EHD1: variants seen among roughly 807,000 people sequenced by gnomAD.
EHD1 encodes the protein EH domain-containing protein 1.
Under a neutral mutation model 39.0 loss-of-function variants are expected in EHD1, and 19 were observed. The ratio of observed to expected loss-of-function variants is 0.49; its 90% CI spans 0.34 to 0.72. The LOEUF (loss-of-function observed/expected upper bound fraction) is 0.72. Ranked by LOEUF, EHD1 falls within the 30% of genes least tolerant of loss-of-function variation. The probability of loss-of-function intolerance (pLI) is 0.01; values close to 1 mark genes in which losing one functional copy is unlikely to be tolerated. For synonymous variants in EHD1, 323 were observed against 331.2 expected, an observed-to-expected ratio of 0.98 and a Z score of 0.27; for missense variants, 542 against 751.5, an observed-to-expected ratio of 0.72 and a Z score of 3.26.
chr11:64,863,603 C>T lies in EHD1; in HGVS notation c.503-3267G>A, dbSNP rs924317738. Among the ~76,000 whole-genome samples the T allele has an allele frequency of 2.6e-5, 4 of 152,206 alleles. No homozygotes were observed. In the South Asian group the frequency reaches 8.3e-4, roughly 31 times the overall value. ...AATGGCACCACAGGGTGTGCGGAGT[C>T]AAGCTCGCTCATGGGATAAACACTC... On this transcript the variant is annotated intron_variant, in intron 2 of 4. Transcript: ENST00000320631.
intron 3 of EHD1, among the ~76,000 whole-genome samples, chr11:64,857,417 C>G (rs1253658160): frequency 6.6e-6 from 1 of 152,028 alleles, no homozygotes; most frequent in African/African-American, 2.4e-5. Flanking sequence ...GAGTGAAACT[C>G]CATCTCCAAA....
intron 2 of EHD1, among the ~76,000 whole-genome samples, chr11:64,874,121 T>C (rs1410511130): frequency 6.7e-6 from 1 of 150,100 alleles, no homozygotes; most frequent in African/African-American, 2.5e-5. Flanking sequence ...CTGGCCAATA[T>C]AGTGAAACCC....
At chr11:64,874,382 A>G in intron 2 of EHD1, 39 bp downstream of exon 2, 1 of 1,548,546 alleles carries the variant, frequency 6.5e-7, no homozygotes, top group Non-Finnish European at 8.8e-7. Context: ...AGGATGTGTG[A>G]CAACACCAGC....
At chr11:64,872,512 T>C (rs1943840909) in intron 2 of EHD1, among the ~76,000 whole-genome samples, 1 of 152,086 alleles carries the variant, frequency 6.6e-6, no homozygotes, top group Non-Finnish European at 1.5e-5. Context: ...CTTTGGCAAA[T>C]GACAGGGCTT....
chr11:64,873,680 CTT>C (rs758063360), intron 2 of EHD1, among the ~76,000 whole-genome samples: 1 of 144,418 alleles, frequency 6.9e-6, no homozygotes. Flanking sequence ...TACTCGGACA[CTT>C]TTTTTTTTTT....
intron 4 of EHD1, chr11:64,855,061 A>C (rs937747781): frequency 1.3e-5 from 11 of 839,598 alleles, no homozygotes; most frequent in Non-Finnish European, 1.8e-5. Flanking sequence ...GGCTGCGGCA[A>C]GGATTCATGG....
chr11:64,860,517 G>A (rs982241249), intron 2 of EHD1, among the ~76,000 whole-genome samples, 181 bp from the exon 3 acceptor site: 4 of 151,840 alleles, frequency 2.6e-5, no homozygotes, highest in Non-Finnish European at 2.9e-5. Flanking sequence ...GGAGGATCAC[G>A]AGGTCATGAG....
chr11:64,854,630 G>A lies in EHD1; in HGVS notation c.1308C>T (p.Asp436=), dbSNP rs139248473. 1.6e-3 allele frequency: 2,662 copies of A among 1,613,934 alleles called. 2 individuals carry two copies. The highest frequency in any genetic ancestry group is 2.1e-3 in the Non-Finnish European group (2,467 of 1,179,936). Residue 436 remains aspartate, a synonymous_variant, in exon 5 of 5, where the codon GAC becomes GAT. Transcript: ENST00000320631. ...YGEGAGEGID[D]VEWVVGKDKP... is the part of the protein sequence containing the mutation. ...TGTCCTTGCCCACCACCCACTCCAC[G>A]TCGTCGATGCCCTCGCCGGCCCCCT...
At chr11:64,862,231 C>G (rs886172114) in intron 2 of EHD1, among the ~76,000 whole-genome samples, 4 of 152,188 alleles carry the variant, frequency 2.6e-5, no homozygotes, top group Non-Finnish European at 5.9e-5. Context: ...TATATTGCTT[C>G]CCACCAACCC....
chr11:64,860,387 T>C, intron 2 of EHD1, 51 bp from the exon 3 acceptor site: 2 of 1,562,664 alleles, frequency 1.3e-6, no homozygotes, highest in Non-Finnish European at 1.7e-6. Flanking sequence ...CCTGCTGCTC[T>C]GATGGCTCTC....
chr11:64,873,357 CGT>C (rs774192297), intron 2 of EHD1, among the ~76,000 whole-genome samples: 4 of 152,204 alleles, frequency 2.6e-5, no homozygotes, highest in Non-Finnish European at 4.4e-5. Context: ...TCCTGCTGGA[CGT>C]GTGAGGAATG....
intron 2 of EHD1, among the ~76,000 whole-genome samples, chr11:64,869,846 CT>C (rs1943808661): frequency 6.6e-6 from 1 of 152,238 alleles, no homozygotes; most frequent in Non-Finnish European, 1.5e-5. Context: ...GCAGCGGCAT[CT>C]CCATCTCAGG....
rs1943597201 is a variant in EHD1, at chr11:64,852,927, A to G, written c.*1406T>C. The G allele has an allele frequency of 1.3e-5, 2 of 152,404 alleles. No individual in the cohort carries two copies. The highest frequency in any genetic ancestry group is 2.9e-5 in the Non-Finnish European group (2 of 68,146). 9.4% of individuals were successfully genotyped at this position (152,404 alleles called of 1,614,324 possible). A position where few individuals can be genotyped will look rare whatever the true frequency, so the allele number is the denominator to read the frequency against. On this transcript the variant is annotated 3_prime_UTR_variant, in exon 5 of 5. Transcript: ENST00000320631. ...CTGCAGACTCCGAGCAGCGCTGGGG[A>G]GAAGCTCCCTGAGACCCCCGCGGGA...
intron 3 of EHD1, among the ~76,000 whole-genome samples, chr11:64,858,451 A>T (rs753447134): frequency 5.3e-5 from 8 of 151,888 alleles, no homozygotes; most frequent in Non-Finnish European, 7.4e-5. Context: ...GGCCTCCCAA[A>T]GTGCTGGAAT....
chr11:64,864,834 G>A (rs756203679), intron 2 of EHD1, among the ~76,000 whole-genome samples: 6 of 152,144 alleles, frequency 3.9e-5, no homozygotes, highest in Non-Finnish European at 7.3e-5. Flanking sequence ...TCAGGACGGC[G>A]CCTGGGGAGC....
intron 2 of EHD1, among the ~76,000 whole-genome samples, chr11:64,873,483 G>A (rs900497407): frequency 3.9e-5 from 6 of 152,100 alleles, no homozygotes; most frequent in Non-Finnish European, 8.8e-5. Flanking sequence ...AGCATGGCCC[G>A]ATTCTGATCC....
At position 64,878,422 on chromosome 11, in the gene EHD1, G is replaced by A; in HGVS notation, c.43C>T (p.Pro15Ser). 2 of 1,613,160 alleles carry A rather than the reference G, an allele frequency of 1.2e-6. No individual in the cohort carries two copies. The highest frequency in any genetic ancestry group is 1.7e-6 in the Non-Finnish European group (2 of 1,179,752). ...VSKDARRKKE[P>S]ELFQTVAEGL... ...TCAGCCACCGTCTGGAAGAGCTCCG[G>A]CTCCTTCTTGCGGCGGGCATCCTTG... Residue 15 changes from proline to serine, a missense_variant, in exon 1 of 5, where the codon CCG (proline) becomes TCG (serine). By Grantham distance (74) the Pro-to-Ser change is moderately conservative. Coordinates refer to ENST00000320631, the MANE Select transcript of EHD1 (RefSeq NM_006795.4).
intron 1 of EHD1, among the ~76,000 whole-genome samples, chr11:64,877,574 A>G (rs1427461529): frequency 3.9e-5 from 6 of 152,016 alleles, no homozygotes; most frequent in Admixed American, 3.9e-4. Context: ...ACACAAAACC[A>G]CCGTCCCAGG....
rs759976974 is a variant in EHD1 at position 64,877,629 on chromosome 11, A to G, written c.404+432T>C. ...ACCGCACCAGAGAAGGGAATGGCTA[A>G]AAGTTTCATTGTGTTTTGCTATTGA... On this transcript the variant is annotated intron_variant, in intron 1 of 4. Transcript: ENST00000320631. Among the ~76,000 whole-genome samples the G allele has an allele frequency of 5.3e-5, 8 of 152,210 alleles. No individual in the cohort carries two copies. In the East Asian group the frequency reaches 1.5e-3, roughly 29 times the overall value.
Sources: gnomAD v4.1 joint callset for allele counts (sites outside exome capture counted in the v4.1 genomes callset) on GRCh38, gnomAD v4.1.1 for gene constraint, MANE v1.5 for transcripts, NCBI Gene and HGNC (gene_info 2026-07-23, HGNC 2026-07-21) for gene names.